The following SIRT2 variants were observed in gnomAD, a reference collection of about 807,000 sequenced individuals.
The protein encoded by SIRT2 is sirtuin 2, also known as NAD-dependent protein deacetylase sirtuin-2.
Under a neutral mutation model 57.4 loss-of-function variants are expected in SIRT2, and 40 were observed. The ratio of observed to expected loss-of-function variants is 0.70; its 90% CI spans 0.54 to 0.91. SIRT2 has a LOEUF of 0.91. Among genes scored for constraint, SIRT2 ranks in the 40% least tolerant of loss-of-function variants. The pLI is 0.00. For synonymous variants in SIRT2, 161 were observed against 195.7 expected (o/e 0.82, Z 1.48); for missense variants, 439 against 510.4 (o/e 0.86, Z 1.35).
At chr19:38,887,330 G>C (rs1253899020) in intron 8 of SIRT2, among the ~76,000 whole-genome samples, 1 of 152,184 alleles carries the variant, frequency 6.6e-6, no homozygotes, top group Non-Finnish European at 1.5e-5. Context: ...AGGGCCAGCG[G>C]GGTCTTGGGG....
In SIRT2 at chr19:38,889,971, G is replaced by C. The variant is rs755382259; in HGVS notation, c.269-10C>G. ...TCGGGGATGCCTGCGGCTAGGAAAGGGGGGTCAGGGAGCAGTTGGTCTATA... is the reference window on the plus strand; with the variant it reads ...TCGGGGATGCCTGCGGCTAGGAAAGCGGGGTCAGGGAGCAGTTGGTCTATA... On this transcript the variant is annotated splice_polypyrimidine_tract_variant and intron_variant, in intron 5 of 15. Coordinates refer to ENST00000249396, the MANE Select transcript of SIRT2 (RefSeq NM_012237.4). 8 of 1,613,634 alleles carry C rather than the reference G, an allele frequency of 5.0e-6. No homozygotes were observed. In the East Asian group the frequency reaches 1.6e-4, roughly 31 times the overall value.
chr19:38,898,409 C>G lies in SIRT2; in HGVS notation c.33G>C (p.Glu11Asp). 6.4e-7 allele frequency: 1 copy of G among 1,553,794 alleles called. No homozygotes were observed. Reference protein sequence around the residue: MAEPDPSHPLETQAGKVQEAQ... With the variant: MAEPDPSHPLDTQAGKVQEAQ... ...CCTCCTGCACCTTCCCTGCCTGGGT[C>G]TCCAGAGGGTGAGAGGCTGGGGGAG... Residue 11 changes from glutamate (E) to aspartate (D), a missense_variant, in exon 2 of 16, where the codon GAG (glutamate) becomes GAC (aspartate). Coordinates refer to ENST00000249396, the MANE Select transcript of SIRT2 (RefSeq NM_012237.4).
Position 38,880,990 on chromosome 19 carries a change from C to T in SIRT2, c.748-93G>A, listed in dbSNP as rs1464389645. On this transcript the variant is annotated intron_variant, in intron 11 of 15. Transcript: ENST00000249396. The surrounding 1 kb of genome is among the most constrained non-coding windows in gnomAD (Gnocchi z 4.1). Reference sequence around the variant, plus strand: ...AGCAGCAAACCTCCCTGCCGCCCCCCATAGCTGGGGAGGTGACCTTTCCTG... The same window carrying T: ...AGCAGCAAACCTCCCTGCCGCCCCCTATAGCTGGGGAGGTGACCTTTCCTG... The T allele has an allele frequency of 6.5e-7, 1 of 1,544,962 alleles. No homozygotes were observed. The highest frequency in any genetic ancestry group is 1.4e-5 in the African/African-American group (1 of 73,446).
chr19:38,897,227 G>C (rs1973744906), intron 2 of SIRT2, among the ~76,000 whole-genome samples: 1 of 152,190 alleles, frequency 6.6e-6, no homozygotes, highest in South Asian at 2.1e-4. Context: ...TAAGCCGTCA[G>C]TAAATGCTAA....
chr19:38,893,650 G>T, intron 3 of SIRT2, 123 bp from the exon 4 acceptor site: 3 of 1,173,606 alleles, frequency 2.6e-6, no homozygotes, highest in Non-Finnish European at 3.7e-6. Context: ...ACAAGGCCCG[G>T]CCCAGCCAGC....
At chr19:38,879,376 G>T (rs940988368) in intron 15 of SIRT2, 58 bp downstream of exon 15, 24 of 1,600,388 alleles carry the variant, frequency 1.5e-5, no homozygotes, top group Non-Finnish European at 1.9e-5. Context: ...GACCCATGGG[G>T]TGGGGAGAGG....
chr19:38,893,831 C>T lies in SIRT2; in HGVS notation c.100G>A (p.Gly34Arg), dbSNP rs199515794. The T allele has an allele frequency of 1.2e-4, 199 of 1,614,184 alleles. No homozygotes were observed. Among genetic ancestry groups the T allele is most frequent in the Non-Finnish European group, 1.6e-4 (194 of 1,180,032 alleles). The change falls in exon 3 of 16, where the codon GGA becomes AGA. Residue 34 changes from glycine to arginine, a missense_variant. By Grantham distance (125) the Gly-to-Arg change is moderately radical. Transcript: ENST00000249396. ...GGAAGATACTCACTGTCTGCTTCTC[C>T]ACCAGCGGCTCCTCCCTCAGAGTCT... ...DSDSEGGAAG[G>R]EADMDFLRNL...
Position 38,880,666 on chromosome 19 carries a change from C to T in SIRT2, c.876+19G>A, listed in dbSNP as rs1228199654. 1 of 1,532,722 alleles carries T rather than the reference C, an allele frequency of 6.5e-7. No homozygotes were observed. The allele number at this position is 1,532,722 out of a possible 1,614,324, so 94.9% of individuals were successfully genotyped here. On this transcript the variant is annotated intron_variant, in intron 13 of 15. Transcript: ENST00000249396. This position sits in a 1 kb window ranked among gnomAD's most constrained non-coding sequence, Gnocchi z 4.1. ...AAGGGGGAGCCTGTGACGACGGGGG[C>T]TTGAAGAAGGGCTCTTACCTGGCCA...
At position 38,879,296 on chromosome 19, in the gene SIRT2, G is replaced by A. The variant is rs757518230; in HGVS notation, c.1029C>T (p.Asp343=). The A allele has an allele frequency of 6.2e-7, 1 of 1,613,248 alleles. No homozygotes were observed. Among genetic ancestry groups the A allele is most frequent in the African/African-American group, 1.3e-5 (1 of 74,886 alleles). Residue 343 remains aspartate (D), a synonymous_variant, in exon 16 of 16, where the codon GAC becomes GAT. Coordinates refer to ENST00000249396, the MANE Select transcript of SIRT2 (RefSeq NM_012237.4). ...TGCTGGCGTGCTCCCTCCGGACAAG[G>A]TCCTCCAGCTCCTTCTGCAGGAGCA... ...ELLGWKKELE[D]LVRREHASID... is the part of the protein sequence containing the mutation.
chr19:38,896,122 C>G (rs1481909853), intron 2 of SIRT2, among the ~76,000 whole-genome samples: 1 of 151,730 alleles, frequency 6.6e-6, no homozygotes, highest in Non-Finnish European at 1.5e-5. Flanking sequence ...GAGAGAGAGA[C>G]AGAGAGAAAG....
At position 38,879,505 on chromosome 19, in the gene SIRT2, G is replaced by A. The variant is rs751980075; in HGVS notation, c.948-5C>T. The A allele has an allele frequency of 4.5e-5, 72 of 1,602,038 alleles. 1 individual carries two copies. In the South Asian group the frequency reaches 7.1e-4, roughly 16 times the overall value. On this transcript the variant is annotated splice_region_variant and splice_polypyrimidine_tract_variant and intron_variant, in intron 14 of 15. Coordinates refer to ENST00000249396, the MANE Select transcript of SIRT2 (RefSeq NM_012237.4). ...TCACCCAGCCAGGCCACGTCCCTGCGGTGCAGCAGGAGATCAGAGTTCCCA... is the reference window on the plus strand; with the variant it reads ...TCACCCAGCCAGGCCACGTCCCTGCAGTGCAGCAGGAGATCAGAGTTCCCA...
intron 4 of SIRT2, 54 bp downstream of exon 4, chr19:38,893,360 G>T: frequency 9.3e-7 from 1 of 1,075,278 alleles, no homozygotes; most frequent in Non-Finnish European, 1.4e-6. Context: ...GGGATGGGAG[G>T]TCACTTGGGG....
chr19:38,886,030 G>A (rs969164749), intron 8 of SIRT2, among the ~76,000 whole-genome samples: 4 of 152,140 alleles, frequency 2.6e-5, no homozygotes, highest in African/African-American at 7.2e-5. Context: ...GAGGAATGCC[G>A]CTAAAACAGG....
In SIRT2 at chr19:38,882,269, C is replaced by G. The variant is rs539527075; in HGVS notation, c.632-778G>C. Among the ~76,000 whole-genome samples, 52 of 152,266 alleles carry G rather than the reference C, an allele frequency of 3.4e-4. 1 individual carries two copies. Among genetic ancestry groups the G allele is most frequent in the Admixed American group, 3.3e-3 (50 of 15,294 alleles). The stretch of plus-strand genomic sequence containing the variant: ...GGCTCAAGTGATCCACCCACCTCGA[C>G]GTCCAAAAGTGTTGGGATTACAGGC... On this transcript the variant is annotated intron_variant, in intron 9 of 15. Transcript: ENST00000249396.
chr19:38,898,775 GT>G (rs1190464468), intron 1 of SIRT2: 1 of 233,526 alleles, frequency 4.3e-6, no homozygotes, highest in Non-Finnish European at 8.3e-6. Context: ...ATGAGCCATT[GT>G]TTCTGGCCCT....
At chr19:38,893,058 T>A (rs1339535615) in intron 4 of SIRT2, among the ~76,000 whole-genome samples, 1 of 151,638 alleles carries the variant, frequency 6.6e-6, no homozygotes, top group Non-Finnish European at 1.5e-5. Flanking sequence ...CCGGGACCAA[T>A]GGGAGCCAAT....
chr19:38,886,620 ATT>A lies in SIRT2; in HGVS notation c.501+2465_501+2466del, dbSNP rs551831229. 4.0e-4 allele frequency among the ~76,000 whole-genome samples: 56 copies of A among 138,674 alleles called. 1 individual carries two copies. Among genetic ancestry groups the A allele is most frequent in the African/African-American group, 5.5e-4 (21 of 38,020 alleles). The allele number at this position is 138,674 out of a possible 152,430, so 91.0% of individuals were successfully genotyped here. A position where few individuals can be genotyped will look rare whatever the true frequency, so the allele number is the denominator to read the frequency against. ...AGGTGTGCACTACCATGCCTGGCTAATTTTTTTTTTTTTTTTTTTGAGATGGA... is the reference window on the plus strand; with the variant it reads ...AGGTGTGCACTACCATGCCTGGCTAATTTTTTTTTTTTTTTTTGAGATGGA... On this transcript the variant is annotated intron_variant, in intron 8 of 15. Transcript: ENST00000249396.
intron 6 of SIRT2, 42 bp from the exon 7 acceptor site, chr19:38,889,787 G>A (rs764704680): frequency 7.4e-6 from 12 of 1,613,960 alleles, no homozygotes; most frequent in Admixed American, 1.7e-5. Context: ...CCCAGGTAGC[G>A]TGAGGGTTGG....
intron 6 of SIRT2, 40 bp downstream of exon 6, chr19:38,889,815 C>T (rs779099527): frequency 1.2e-6 from 2 of 1,612,450 alleles, no homozygotes; most frequent in Non-Finnish European, 1.7e-6. Context: ...TGACCCCATC[C>T]CCACCCCTCA....
Sources: allele counts gnomAD v4.1 joint callset (sites outside exome capture counted in the v4.1 genomes callset), GRCh38; gene constraint gnomAD v4.1.1; non-coding constraint Gnocchi (gnomAD v3.1); transcripts MANE v1.5; gene names NCBI Gene and HGNC (gene_info 2026-07-23, HGNC 2026-07-21).